CNDP1: variants seen among roughly 807,000 people sequenced by gnomAD.
CNDP1 encodes the protein carnosine dipeptidase 1, also known as beta-Ala-His dipeptidase.
A neutral mutation model predicts 58.1 loss-of-function variants in CNDP1; 44 were observed. The observed-to-expected ratio is 0.76, with a 90% CI of 0.60 to 0.97. The LOEUF is 0.97. Ranked by LOEUF, CNDP1 falls within the 50% of genes least tolerant of loss-of-function variation. CNDP1 has a pLI of 0.00. For missense variants in CNDP1, 616 were observed against 655.1 expected, an observed-to-expected ratio of 0.94 and a Z score of 0.65; for synonymous variants, 254 against 252.6, an observed-to-expected ratio of 1.01 and a Z score of -0.05.
Position 74,560,960 on chromosome 18 carries a change from GCCTGC to G in CNDP1, c.409_413del (p.Pro137Ter). ...GCTTCTACGGCCACTTGGACGTGCAGCCTGCTGACCGGGGCGATGGGTGGCTCACG... is the reference window on the plus strand; with the variant it reads ...GCTTCTACGGCCACTTGGACGTGCAGTGACCGGGGCGATGGGTGGCTCACG... On this transcript the variant is annotated frameshift_variant, in exon 4 of 12. Coordinates refer to ENST00000358821, the MANE Select transcript of CNDP1 (RefSeq NM_032649.6). LOFTEE classifies it high-confidence loss of function. 2 of 1,614,144 alleles carry G rather than the reference GCCTGC, an allele frequency of 1.2e-6. No homozygotes were observed.
chr18:74,556,403 G>A lies in CNDP1; in HGVS notation c.90G>A (p.Pro30=), dbSNP rs367971474. The A allele has an allele frequency of 6.4e-5, 104 of 1,613,970 alleles. 1 individual carries two copies. The East Asian group carries it at 1.3e-3, about 21-fold the overall frequency. ...LERGMFSSPS[P]PPALLEKVFQ... Reference sequence around the variant, plus strand: ...GCGGCATGTTCTCCTCACCCTCCCCGCCCCCGGCGCTGTTAGAGAAAGTCT... The same window carrying A: ...GCGGCATGTTCTCCTCACCCTCCCCACCCCCGGCGCTGTTAGAGAAAGTCT... Residue 30 remains proline, a synonymous_variant, in exon 2 of 12, where the codon CCG becomes CCA. Transcript: ENST00000358821.
At chr18:74,547,775 A>G (rs772072392) in intron 1 of CNDP1, among the ~76,000 whole-genome samples, 58 of 152,248 alleles carry the variant, frequency 3.8e-4, no homozygotes, top group Admixed American at 3.1e-3. Context: ...GAAGTGCCCC[A>G]GGACCTCTCG....
At chr18:74,568,727 G>T (rs915329132) in intron 6 of CNDP1, among the ~76,000 whole-genome samples, 10 of 152,152 alleles carry the variant, frequency 6.6e-5, no homozygotes, top group Non-Finnish European at 1.5e-4. Context: ...GAGTGTATCT[G>T]CAGAGAAGTG....
At position 74,551,662 on chromosome 18, in the gene CNDP1, T is replaced by A. The variant is rs950100703; in HGVS notation, c.25-4676T>A. 3.9e-5 allele frequency among the ~76,000 whole-genome samples: 6 copies of A among 152,258 alleles called. No homozygotes were observed. The East Asian group carries it at 7.7e-4, about 20-fold the overall frequency. On this transcript the variant is annotated intron_variant, in intron 1 of 11. Coordinates refer to ENST00000358821, the MANE Select transcript of CNDP1 (RefSeq NM_032649.6). ...TCAGGGCATCAGGTCAGTCTTTTAT[T>A]CGAGACCAGGGCTAAGCTGCTCTCC...
intron 1 of CNDP1, among the ~76,000 whole-genome samples, chr18:74,547,676 C>T (rs371535177): frequency 5.8e-4 from 88 of 152,262 alleles, no homozygotes; most frequent in African/African-American, 2.0e-3. Context: ...GAGGTGGAGG[C>T]GAAGCCAGTG....
Position 74,560,993 on chromosome 18 carries a change from C to T in CNDP1, c.441C>T (p.Asp147=). 1 of 1,613,758 alleles carries T rather than the reference C, an allele frequency of 6.2e-7. No homozygotes were observed. Among genetic ancestry groups the T allele is most frequent in the Non-Finnish European group, 8.5e-7 (1 of 1,179,780 alleles). The change falls in exon 4 of 12, where the codon GAC becomes GAT. Residue 147 remains aspartate, a synonymous_variant. Transcript: ENST00000358821. ...ACCGGGGCGATGGGTGGCTCACGGA[C>T]CCCTATGTGCTGACGGAGGTAGACG... ...PADRGDGWLT[D]PYVLTEVDGK... is the part of the protein sequence containing the mutation.
chr18:74,556,387 TCTC>T lies in CNDP1; in HGVS notation c.78_80del (p.Ser27del). 6.2e-7 allele frequency: 1 copy of T among 1,613,956 alleles called. No homozygotes were observed. Among genetic ancestry groups the T allele is most frequent in the Non-Finnish European group, 8.5e-7 (1 of 1,179,828 alleles). ...CTGCTGCTGCTGGAGCGCGGCATGT[TCTC>T]CTCACCCTCCCCGCCCCCGGCGCTG... On this transcript the variant is annotated inframe_deletion, in exon 2 of 12. Transcript: ENST00000358821.
At chr18:74,570,076 G>A (rs1981434880) in intron 6 of CNDP1, among the ~76,000 whole-genome samples, 1 of 149,358 alleles carries the variant, frequency 6.7e-6, no homozygotes, top group East Asian at 2.0e-4. Context: ...GCGTGCACCT[G>A]TAGTCCCAGC....
chr18:74,568,979 A>G (rs1298703562), intron 6 of CNDP1, among the ~76,000 whole-genome samples: 2 of 152,136 alleles, frequency 1.3e-5, no homozygotes, highest in Non-Finnish European at 1.5e-5. Flanking sequence ...GAGGTGATCA[A>G]CGGTGGTATT....
rs2144584606 is a variant in CNDP1, at chr18:74,585,895, G to A, written c.*1333G>A. The A allele has an allele frequency of 1.3e-5, 2 of 149,302 alleles. No individual in the cohort carries two copies. Among genetic ancestry groups the A allele is most frequent in the African/African-American group, 4.9e-5 (2 of 40,732 alleles). 9.2% of individuals were successfully genotyped at this position (149,302 alleles called of 1,614,324 possible). Reference sequence around the variant, plus strand: ...TGTAGTCCCAGCTACTCGGGAGGCTGAGGCAGGAGAATCGCTTGAACCCAG... The same window carrying A: ...TGTAGTCCCAGCTACTCGGGAGGCTAAGGCAGGAGAATCGCTTGAACCCAG... On this transcript the variant is annotated 3_prime_UTR_variant, in exon 12 of 12. Coordinates refer to ENST00000358821, the MANE Select transcript of CNDP1 (RefSeq NM_032649.6).
chr18:74,556,579 T>A, intron 2 of CNDP1, 113 bp downstream of exon 2: 1 of 1,210,362 alleles, frequency 8.3e-7, no homozygotes, highest in Non-Finnish European at 1.2e-6. Context: ...TAATTCCATT[T>A]AAAATGCCTA....
At chr18:74,557,899 C>T (rs554347868) in intron 2 of CNDP1, among the ~76,000 whole-genome samples, 17 of 152,342 alleles carry the variant, frequency 1.1e-4, no homozygotes, top group African/African-American at 4.1e-4. Context: ...ATCAATGCCT[C>T]TTGGATTTTT....
rs1197750382 is a variant in CNDP1, at chr18:74,545,392, A to G, written c.24+10701A>G. On this transcript the variant is annotated intron_variant, in intron 1 of 11. Coordinates refer to ENST00000358821, the MANE Select transcript of CNDP1 (RefSeq NM_032649.6). The surrounding 1 kb of genome is among the most constrained non-coding windows in gnomAD (Gnocchi z 4.1). ...GCACCAAGGACGCCTAAAGCCTGGC[A>G]CTTTGAAGTCAAAGTAATTTTGCTG... 6.6e-6 allele frequency among the ~76,000 whole-genome samples: 1 copy of G among 152,236 alleles called. No homozygotes were observed. The highest frequency in any genetic ancestry group is 1.5e-5 in the Non-Finnish European group (1 of 68,038).
chr18:74,583,727 A>C lies in CNDP1; in HGVS notation c.1457+19A>C. The C allele has an allele frequency of 3.1e-6, 5 of 1,613,510 alleles. No individual in the cohort carries two copies. The highest frequency in any genetic ancestry group is 4.2e-6 in the Non-Finnish European group (5 of 1,179,610). Reference sequence around the variant, plus strand: ...TCAACAGGTCAGCTGATGCCTGTGCAATGTGCCTCTCTCTTCTTCCTTTAC... The same window carrying C: ...TCAACAGGTCAGCTGATGCCTGTGCCATGTGCCTCTCTCTTCTTCCTTTAC... On this transcript the variant is annotated intron_variant, in intron 11 of 11. Transcript: ENST00000358821.
intron 1 of CNDP1, among the ~76,000 whole-genome samples, chr18:74,537,013 G>A (rs896938128): frequency 5.3e-5 from 8 of 152,090 alleles, no homozygotes; most frequent in Admixed American, 4.6e-4. Flanking sequence ...ATTTGTTGAA[G>A]TTCCTCGATA....
At chr18:74,580,523 G>T (rs1306083050) in intron 10 of CNDP1, among the ~76,000 whole-genome samples, 1 of 152,222 alleles carries the variant, frequency 6.6e-6, no homozygotes, top group East Asian at 1.9e-4. Context: ...TTGCCAAAGG[G>T]TGCCCAGCTC....
Position 74,586,950 on chromosome 18 carries a change from A to G in CNDP1, c.*2388A>G, listed in dbSNP as rs937367093. ...TTTTAACATTTTAATGATGAAATATATGCACTTGGACAAAAATGATCACCC... is the reference window on the plus strand; with the variant it reads ...TTTTAACATTTTAATGATGAAATATGTGCACTTGGACAAAAATGATCACCC... On this transcript the variant is annotated 3_prime_UTR_variant, in exon 12 of 12. Transcript: ENST00000358821. 1 of 152,254 alleles carries G rather than the reference A, an allele frequency of 6.6e-6. No homozygotes were observed. Among genetic ancestry groups the G allele is most frequent in the African/African-American group, 2.4e-5 (1 of 41,476 alleles). The allele number at this position is 152,254 out of a possible 1,614,324, so 9.4% of individuals were successfully genotyped here.
intron 10 of CNDP1, 58 bp downstream of exon 10, chr18:74,580,329 C>T (rs1487860562): frequency 1.1e-5 from 17 of 1,532,912 alleles, no homozygotes; most frequent in Admixed American, 3.5e-5. Context: ...GGGTGGTACC[C>T]GTGGGACCGT....
At chr18:74,551,306 A>T (rs1980900501) in intron 1 of CNDP1, among the ~76,000 whole-genome samples, 1 of 151,802 alleles carries the variant, frequency 6.6e-6, no homozygotes, top group South Asian at 2.1e-4. Context: ...ATTTCTTTAT[A>T]GCAATACAAG....
Sources: gnomAD v4.1 joint callset for allele counts (sites outside exome capture counted in the v4.1 genomes callset) on GRCh38, gnomAD v4.1.1 for gene constraint, Gnocchi (gnomAD v3.1) non-coding constraint, MANE v1.5 for transcripts, NCBI Gene and HGNC (gene_info 2026-07-23, HGNC 2026-07-21) for gene names.